TENM4: variants seen among roughly 807,000 people sequenced by gnomAD.
TENM4 encodes the protein teneurin transmembrane protein 4.
TENM4 carries 82 observed loss-of-function variants against 243.3 expected under a neutral mutation model. The ratio of observed to expected loss-of-function variants is 0.34; its 90% CI spans 0.28 to 0.40. TENM4 has a LOEUF of 0.40. Ranked by LOEUF, TENM4 falls within the 10% of genes least tolerant of loss-of-function variation. The pLI is 1.00. For missense variants in TENM4, 3,138 were observed against 3,673.3 expected, an observed-to-expected ratio of 0.85 and a Z score of 3.77; for synonymous variants, 1,412 against 1,456.3, an observed-to-expected ratio of 0.97 and a Z score of 0.69.
At chr11:79,327,741 G>T (rs1003531488) in intron 1 of TENM4, among the ~76,000 whole-genome samples, 24 of 149,660 alleles carry the variant, frequency 1.6e-4, no homozygotes, top group African/African-American at 5.7e-4. Flanking sequence ...ACATAGTGGC[G>T]AAAAGAAATC....
At chr11:79,001,453 C>T (rs1206909067) in intron 6 of TENM4, among the ~76,000 whole-genome samples, 3 of 149,060 alleles carry the variant, frequency 2.0e-5, no homozygotes, top group Non-Finnish European at 4.4e-5. Flanking sequence ...TTGCCATGAA[C>T]TTCCAGAATC....
At chr11:79,351,943 G>A (rs1857421571) in intron 1 of TENM4, among the ~76,000 whole-genome samples, 1 of 152,044 alleles carries the variant, frequency 6.6e-6, no homozygotes, top group Non-Finnish European at 1.5e-5. Flanking sequence ...ATGAAACTGG[G>A]AGTCACTTCT....
At chr11:78,749,119 G>A (rs1856121344) in intron 19 of TENM4, 1 of 152,152 alleles carries the variant, frequency 6.6e-6, no homozygotes, top group South Asian at 2.1e-4. Flanking sequence ...ATCAATAAAG[G>A]GATGATCAAG....
chr11:78,872,245 C>A (rs955399442), intron 9 of TENM4, among the ~76,000 whole-genome samples: 10 of 152,142 alleles, frequency 6.6e-5, no homozygotes, highest in Non-Finnish European at 1.3e-4. Flanking sequence ...GACAAAAATG[C>A]AGCTTTTGTC....
At chr11:79,226,537 T>G (rs1259934153) in intron 2 of TENM4, among the ~76,000 whole-genome samples, 1 of 152,216 alleles carries the variant, frequency 6.6e-6, no homozygotes, top group Non-Finnish European at 1.5e-5. Context: ...AGGTTTGGTC[T>G]TGCAGAGCAG....
In TENM4 at chr11:78,807,644, T is replaced by C. The variant is rs192346938; in HGVS notation, c.1979-2152A>G. The stretch of plus-strand genomic sequence containing the variant: ...ATCTTTCTCTTTAGGGAGGTAGGGA[T>C]GCTATTCATTTTATAATTGTTAGGG... On this transcript the variant is annotated intron_variant, in intron 14 of 33. Transcript: ENST00000278550. 5.3e-5 allele frequency among the ~76,000 whole-genome samples: 8 copies of C among 152,278 alleles called. No individual in the cohort carries two copies. The East Asian group carries it at 1.5e-3, about 29-fold the overall frequency.
chr11:78,791,839 G>A (rs1857062937), intron 15 of TENM4, among the ~76,000 whole-genome samples: 1 of 152,188 alleles, frequency 6.6e-6, no homozygotes, highest in Admixed American at 6.5e-5. Context: ...AATAACAAGG[G>A]AGGGTTTGAT....
chr11:78,728,849 G>GGACTCCAGGTGAGGCTAC (rs1298735424), intron 22 of TENM4, among the ~76,000 whole-genome samples: 1 of 152,158 alleles, frequency 6.6e-6, no homozygotes, highest in African/African-American at 2.4e-5. Context: ...AGAGAGGCTA[G>GGACTCCAGGTGAGGCTAC]GACTCCAGGT....
At chr11:79,006,993 C>A (rs1858501637) in intron 6 of TENM4, among the ~76,000 whole-genome samples, 1 of 152,148 alleles carries the variant, frequency 6.6e-6, no homozygotes, top group Non-Finnish European at 1.5e-5. Context: ...CTGAATAAAA[C>A]AGAAGACTGA....
chr11:79,005,427 G>T (rs143005265), intron 6 of TENM4, among the ~76,000 whole-genome samples: 42 of 152,234 alleles, frequency 2.8e-4, no homozygotes, highest in Admixed American at 2.6e-3. Context: ...GCTTATCCCT[G>T]GAATGCAAGG....
intron 6 of TENM4, among the ~76,000 whole-genome samples, chr11:78,976,876 G>A (rs1160022857): frequency 6.6e-6 from 1 of 152,170 alleles, no homozygotes; most frequent in Non-Finnish European, 1.5e-5. Context: ...ATAAGCATTT[G>A]CCAAATACCT....
rs554432012 is a variant in TENM4, at chr11:79,309,380, G to A, written c.-320-11837C>T. ...GGGTCCTCATCCCATCCTGGCCCTGGAGGTCAGATGGGGCCCATACAGGGT... is the reference window on the plus strand; with the variant it reads ...GGGTCCTCATCCCATCCTGGCCCTGAAGGTCAGATGGGGCCCATACAGGGT... On this transcript the variant is annotated intron_variant, in intron 1 of 33. Coordinates refer to ENST00000278550, the MANE Select transcript of TENM4 (RefSeq NM_001098816.3). Among the ~76,000 whole-genome samples the A allele has an allele frequency of 6.6e-4, 100 of 152,264 alleles. 1 individual carries two copies. The South Asian group carries it at 0.011, about 17-fold the overall frequency.
intron 4 of TENM4, among the ~76,000 whole-genome samples, chr11:79,070,693 T>TA (rs996055008): frequency 6.6e-6 from 1 of 152,170 alleles, no homozygotes; most frequent in African/African-American, 2.4e-5. Flanking sequence ...AGGCGCATAA[T>TA]AAAGATGTGT....
intron 6 of TENM4, among the ~76,000 whole-genome samples, chr11:78,973,186 C>T (rs557782559): frequency 6.6e-6 from 1 of 152,314 alleles, no homozygotes; most frequent in Admixed American, 6.5e-5. Context: ...GTTTTTACCT[C>T]TTTTGGGTAT....
chr11:79,347,005 C>A (rs112584973), intron 1 of TENM4, among the ~76,000 whole-genome samples: 3,040 of 152,286 alleles, frequency 0.02, 101 homozygotes, highest in African/African-American at 0.07. Flanking sequence ...AGGTCCCCTC[C>A]AAGCTCTATC....
intron 1 of TENM4, among the ~76,000 whole-genome samples, chr11:79,307,868 C>T (rs1039931217): frequency 3.3e-5 from 5 of 152,184 alleles, no homozygotes; most frequent in Admixed American, 6.5e-5. Flanking sequence ...TGAGCAGCAC[C>T]GTGCTCTCCC....
chr11:79,262,731 C>T (rs767514561), intron 2 of TENM4, among the ~76,000 whole-genome samples: 36 of 152,168 alleles, frequency 2.4e-4, no homozygotes, highest in African/African-American at 6.3e-4. Flanking sequence ...AGTCAAATCC[C>T]GGCTAAGCCT....
At chr11:79,074,821 C>T (rs887688586) in intron 4 of TENM4, among the ~76,000 whole-genome samples, 10 of 152,192 alleles carry the variant, frequency 6.6e-5, no homozygotes, top group Non-Finnish European at 1.3e-4. Flanking sequence ...CAGGTAGCCC[C>T]TCCTCCAGGC....
At chr11:78,853,018 T>G (rs1315580508) in intron 12 of TENM4, among the ~76,000 whole-genome samples, 1 of 151,760 alleles carries the variant, frequency 6.6e-6, no homozygotes, top group Non-Finnish European at 1.5e-5. Flanking sequence ...CCTCCCAAAG[T>G]GCTGAGATTA....
Sources: gnomAD v4.1 joint callset for allele counts (sites outside exome capture counted in the v4.1 genomes callset) on GRCh38, gnomAD v4.1.1 for gene constraint, MANE v1.5 for transcripts, NCBI Gene and HGNC (gene_info 2026-07-23, HGNC 2026-07-21) for gene names.